Variants in CTNND2 observed in about 807,000 individuals in gnomAD.
CTNND2 encodes catenin delta-2.
CTNND2 carries 22 observed loss-of-function variants against 144.4 expected under a neutral mutation model. That is an observed-to-expected ratio of 0.15 (90% CI 0.11 to 0.22). The LOEUF (loss-of-function observed/expected upper bound fraction) is 0.22, where lower values mean the gene tolerates loss of function less well. Among genes scored for constraint, CTNND2 ranks in the 10% least tolerant of loss-of-function variants. The pLI, the probability that CTNND2 is intolerant of heterozygous loss-of-function variation, is 1.00. For synonymous variants in CTNND2, 751 were observed against 695.6 expected (o/e 1.08, Z -1.25); for missense variants, 1,353 against 1,618.8 (o/e 0.84, Z 2.82).
chr5:11,147,480 AG>A (rs1452804331), intron 12 of CTNND2, among the ~76,000 whole-genome samples: 1 of 152,176 alleles, frequency 6.6e-6, no homozygotes, highest in Non-Finnish European at 1.5e-5. Flanking sequence ...TGAAGAGCAG[AG>A]GGGCCCCACA....
intron 8 of CTNND2, among the ~76,000 whole-genome samples, chr5:11,357,241 T>C (rs1755984958): frequency 6.6e-6 from 1 of 152,090 alleles, no homozygotes; most frequent in Non-Finnish European, 1.5e-5. Context: ...ATGTTTATTG[T>C]AGCACTATTT....
intron 15 of CTNND2, among the ~76,000 whole-genome samples, chr5:11,090,859 G>A (rs568402674): frequency 6.6e-6 from 1 of 151,294 alleles, no homozygotes; most frequent in African/African-American, 2.4e-5. Flanking sequence ...CACTGGCGTT[G>A]TTGCTGATAA....
At chr5:11,282,104 C>T (rs573934828) in intron 9 of CTNND2, among the ~76,000 whole-genome samples, 137 of 151,988 alleles carry the variant, frequency 9.0e-4, no homozygotes, top group Non-Finnish European at 1.8e-3. Flanking sequence ...CACGGTGGTT[C>T]GCTACCATGG....
chr5:11,176,826 T>C (rs1364940973), intron 11 of CTNND2, among the ~76,000 whole-genome samples: 1 of 152,120 alleles, frequency 6.6e-6, no homozygotes, highest in African/African-American at 2.4e-5. Flanking sequence ...CAATCTATCA[T>C]GTCATTGCTC....
At chr5:11,292,798 G>A (rs1748497206) in intron 9 of CTNND2, among the ~76,000 whole-genome samples, 1 of 152,140 alleles carries the variant, frequency 6.6e-6, no homozygotes, top group African/African-American at 2.4e-5. Context: ...TGTGAAGGCT[G>A]GGTGATATTG....
chr5:11,094,090 T>C (rs1751057528), intron 15 of CTNND2, among the ~76,000 whole-genome samples: 1 of 152,242 alleles, frequency 6.6e-6, no homozygotes, highest in African/African-American at 2.4e-5. Context: ...TGTACATATT[T>C]ATAATTACTC....
At chr5:11,194,945 T>C (rs1736704757) in intron 11 of CTNND2, among the ~76,000 whole-genome samples, 1 of 152,168 alleles carries the variant, frequency 6.6e-6, no homozygotes, top group South Asian at 2.1e-4. Context: ...AAAATAAATG[T>C]TGGATATCAG....
chr5:11,210,765 C>T (rs1738547273), intron 10 of CTNND2, among the ~76,000 whole-genome samples: 1 of 152,122 alleles, frequency 6.6e-6, no homozygotes, highest in African/African-American at 2.4e-5. Context: ...CAAATACTGC[C>T]CACAAAGCTT....
In CTNND2 at chr5:11,308,118, T is replaced by C. The variant is rs142841028; in HGVS notation, c.1628+38254A>G. ...GTGAAAAATAAATTTATCTTGTTTG[T>C]AAGGCACCCAGTTTGTGGCATTTTG... On this transcript the variant is annotated intron_variant, in intron 9 of 21. Coordinates refer to ENST00000304623, the MANE Select transcript of CTNND2 (RefSeq NM_001332.4). Among the ~76,000 whole-genome samples the C allele has an allele frequency of 5.3e-3, 805 of 152,334 alleles. 4 individuals are homozygous for C. Among genetic ancestry groups the C allele is most frequent in the African/African-American group, 0.018 (743 of 41,580 alleles).
chr5:11,168,900 G>A (rs1427070204), intron 11 of CTNND2, among the ~76,000 whole-genome samples: 1 of 152,144 alleles, frequency 6.6e-6, no homozygotes, highest in East Asian at 1.9e-4. Flanking sequence ...AAATGCAGGA[G>A]GTGAAATCAC....
Position 11,384,454 on chromosome 5 carries a change from G to C in CTNND2, c.1177+211C>G. ...GAGTGATATAGGTGTTAGAGATTGA[G>C]ACACCACATTACTCCGGAAAAGAAG... On this transcript the variant is annotated intron_variant, in intron 7 of 21. Transcript: ENST00000304623. The surrounding 1 kb of genome is among the most constrained non-coding windows in gnomAD (Gnocchi z 5.2). The C allele has an allele frequency of 1.7e-6, 1 of 585,412 alleles. No individual in the cohort carries two copies. The highest frequency in any genetic ancestry group is 2.2e-5 in the South Asian group (1 of 45,726). The allele number at this position is 585,412 out of a possible 1,614,324, so 36.3% of individuals were successfully genotyped here. A position where few individuals can be genotyped will look rare whatever the true frequency, so the allele number is the denominator to read the frequency against.
chr5:11,366,472 G>A (rs756326003), intron 7 of CTNND2, among the ~76,000 whole-genome samples: 32 of 152,044 alleles, frequency 2.1e-4, no homozygotes, highest in African/African-American at 3.6e-4. Context: ...TTTAGATAGC[G>A]CTCCGATGAA....
At chr5:11,386,791 T>C (rs767093693) in intron 6 of CTNND2, among the ~76,000 whole-genome samples, 2 of 152,180 alleles carry the variant, frequency 1.3e-5, no homozygotes, top group Non-Finnish European at 2.9e-5. Context: ...TAGCAGAGAC[T>C]CCAGGAATAT....
At chr5:11,166,201 C>A (rs370398934) in intron 11 of CTNND2, among the ~76,000 whole-genome samples, 4 of 151,154 alleles carry the variant, frequency 2.6e-5, no homozygotes, top group African/African-American at 9.8e-5. Flanking sequence ...AGTTTGTGTA[C>A]CTGGGGGGAG....
intron 15 of CTNND2, among the ~76,000 whole-genome samples, chr5:11,094,743 C>T (rs911889988): frequency 1.3e-5 from 2 of 152,260 alleles, no homozygotes; most frequent in South Asian, 2.1e-4. Flanking sequence ...GGATTACAGG[C>T]GTGAGCCACA....
intron 19 of CTNND2, among the ~76,000 whole-genome samples, chr5:10,990,854 G>A (rs906176945): frequency 2.0e-5 from 3 of 152,168 alleles, no homozygotes; most frequent in African/African-American, 7.2e-5. Context: ...CTGCCTGCTC[G>A]CGAGAAAAGG....
intron 7 of CTNND2, among the ~76,000 whole-genome samples, chr5:11,373,392 T>C (rs1044166117): frequency 5.3e-5 from 8 of 152,182 alleles, no homozygotes; most frequent in African/African-American, 1.9e-4. Context: ...GTGGATATTT[T>C]AGACATGGGT....
intron 21 of CTNND2, among the ~76,000 whole-genome samples, chr5:10,977,372 C>T (rs1202091062): frequency 6.6e-6 from 1 of 152,104 alleles, no homozygotes; most frequent in Admixed American, 6.5e-5. Flanking sequence ...AGATAGATAC[C>T]GTTCAACATG....
chr5:11,248,024 G>C (rs1743179799), intron 9 of CTNND2, among the ~76,000 whole-genome samples: 1 of 152,022 alleles, frequency 6.6e-6, no homozygotes, highest in South Asian at 2.1e-4. Context: ...ATACAAATTA[G>C]TGTCCATAAA....
Sources: allele counts gnomAD v4.1 joint callset (sites outside exome capture counted in the v4.1 genomes callset), GRCh38; gene constraint gnomAD v4.1.1; non-coding constraint Gnocchi (gnomAD v3.1); transcripts MANE v1.5; gene names NCBI Gene and HGNC (gene_info 2026-07-23, HGNC 2026-07-21).